Variants in AKAP10 observed in about 807,000 individuals in gnomAD.
AKAP10 encodes the protein A-kinase anchoring protein 10.
Under a neutral mutation model 80.8 loss-of-function variants are expected in AKAP10, and 24 were observed. The observed-to-expected ratio is 0.30, with a 90% CI of 0.22 to 0.42. The LOEUF (loss-of-function observed/expected upper bound fraction) is 0.42. AKAP10 is among the 10% of genes least tolerant of loss of function. The pLI is 1.00. For missense variants in AKAP10, 661 were observed against 794.9 expected, an observed-to-expected ratio of 0.83 and a Z score of 2.03; for synonymous variants, 291 against 277.7, an observed-to-expected ratio of 1.05 and a Z score of -0.48.
chr17:19,927,825 G>A (rs752039716), intron 10 of AKAP10, among the ~76,000 whole-genome samples: 8 of 151,014 alleles, frequency 5.3e-5, no homozygotes, highest in Admixed American at 6.6e-5. Context: ...CAGGAAAATC[G>A]CTTGAACCCA....
At chr17:19,965,358 A>G (rs1197415731) in intron 2 of AKAP10, among the ~76,000 whole-genome samples, 1 of 152,190 alleles carries the variant, frequency 6.6e-6, no homozygotes, top group Non-Finnish European at 1.5e-5. Flanking sequence ...TATTATAACA[A>G]AAAAACTTCC....
intron 1 of AKAP10, among the ~76,000 whole-genome samples, chr17:19,975,682 C>A (rs1400747493): frequency 2.0e-5 from 3 of 152,282 alleles, no homozygotes; most frequent in East Asian, 3.9e-4. Context: ...TATCTGTCTA[C>A]CCCAGTAGAC....
Position 19,947,447 on chromosome 17 carries a change from T to C in AKAP10, c.936A>G (p.Lys312=), listed in dbSNP as rs1379692164. Residue 312 remains lysine (K), a synonymous_variant, in exon 5 of 15, where the codon AAA becomes AAG. Transcript: ENST00000225737. ...FTKYISPDAA[K]PIPITEAMRN... is the part of the protein sequence containing the mutation. The stretch of plus-strand genomic sequence containing the variant: ...TCATTGCTTCTGTAATTGGTATTGG[T>C]TTAGCAGCATCTGGAGATATATATT... The C allele has an allele frequency of 3.1e-6, 5 of 1,612,496 alleles. No individual in the cohort carries two copies. The highest frequency in any genetic ancestry group is 3.4e-6 in the Non-Finnish European group (4 of 1,178,592).
At chr17:19,927,854 G>C (rs995057607) in intron 10 of AKAP10, among the ~76,000 whole-genome samples, 6 of 151,776 alleles carry the variant, frequency 4.0e-5, no homozygotes, top group Non-Finnish European at 5.9e-5. Flanking sequence ...AGGTTGCAGT[G>C]AGCCAAGATT....
chr17:19,963,617 A>G (rs988085575), intron 2 of AKAP10, among the ~76,000 whole-genome samples: 4 of 152,162 alleles, frequency 2.6e-5, no homozygotes, highest in African/African-American at 9.7e-5. Flanking sequence ...TCCTCAGGCC[A>G]GGCATGGTGG....
At chr17:19,926,443 A>T (rs1214207546) in intron 10 of AKAP10, among the ~76,000 whole-genome samples, 2 of 152,122 alleles carry the variant, frequency 1.3e-5, no homozygotes, top group African/African-American at 4.8e-5. Context: ...TGCCACTTCT[A>T]CTCATCATTG....
chr17:19,929,656 C>A (rs1032540098), intron 10 of AKAP10: 1 of 151,964 alleles, frequency 6.6e-6, no homozygotes, highest in Non-Finnish European at 1.5e-5. Context: ...ATGGTTAGTA[C>A]CTAGGCCTTT....
rs151244827 is a variant in AKAP10 at position 19,952,548 on chromosome 17, T to C, written c.878-5043A>G. ...CTGCCTACAAGAAGCCCCCTTTAAA[T>C]AGAATTATAAAGGTAGATCAAAAGT... On this transcript the variant is annotated intron_variant, in intron 4 of 14. Coordinates refer to ENST00000225737, the MANE Select transcript of AKAP10 (RefSeq NM_007202.4). Among the ~76,000 whole-genome samples the C allele has an allele frequency of 2.7e-3, 407 of 152,018 alleles. 1 individual carries two copies. The highest frequency in any genetic ancestry group is 9.2e-3 in the African/African-American group (382 of 41,510).
rs149275156 is a variant in AKAP10, at chr17:19,911,919, G to T, written c.1835-1941C>A. 9.9e-4 allele frequency among the ~76,000 whole-genome samples: 136 copies of T among 137,544 alleles called. 1 individual carries two copies. The Middle Eastern group carries it at 0.021, about 21-fold the overall frequency. The allele number at this position is 137,544 out of a possible 152,430, so 90.2% of individuals were successfully genotyped here. A position where few individuals can be genotyped will look rare whatever the true frequency, so the allele number is the denominator to read the frequency against. ...GGAGTCAGTCTAAGCTCCTTAAAATGACATGTAAGGGATTTATCAATTTAA... is the reference window on the plus strand; with the variant it reads ...GGAGTCAGTCTAAGCTCCTTAAAATTACATGTAAGGGATTTATCAATTTAA... On this transcript the variant is annotated intron_variant, in intron 12 of 14. Coordinates refer to ENST00000225737, the MANE Select transcript of AKAP10 (RefSeq NM_007202.4).
At chr17:19,926,581 T>C (rs781293345) in intron 10 of AKAP10, among the ~76,000 whole-genome samples, 21 of 152,202 alleles carry the variant, frequency 1.4e-4, no homozygotes, top group Admixed American at 7.9e-4. Flanking sequence ...AAAGTTGAAG[T>C]TGCAAGATCA....
At chr17:19,964,879 A>G (rs2043397687) in intron 2 of AKAP10, among the ~76,000 whole-genome samples, 1 of 152,224 alleles carries the variant, frequency 6.6e-6, no homozygotes, top group Non-Finnish European at 1.5e-5. Flanking sequence ...TGGGCAACAG[A>G]GCGAGAATCT....
chr17:19,946,265 A>C (rs1238456606), intron 5 of AKAP10, among the ~76,000 whole-genome samples: 1 of 27,458 alleles, frequency 3.6e-5, no homozygotes, highest in African/African-American at 1.6e-4. Flanking sequence ...ATATATATAT[A>C]TATATATATA....
chr17:19,958,142 A>C lies in AKAP10; in HGVS notation c.749T>G (p.Leu250Arg). 6.2e-7 allele frequency: 1 copy of C among 1,614,142 alleles called. No homozygotes were observed. Among genetic ancestry groups the C allele is most frequent in the Non-Finnish European group, 8.5e-7 (1 of 1,180,030 alleles). The change falls in exon 4 of 15, where the codon CTT becomes CGT. Residue 250 changes from leucine to arginine, a missense_variant. Physicochemically the swap from Leu to Arg is moderately radical, Grantham distance 102. Transcript: ENST00000225737. ...GTGAGTTCCTGCTCTGGCCATTTCA[A>C]GACGGAGAGAATGGGCACTGTCACA... ...QECDSAHSLRLEMARAGTHQV... is the reference protein window; with the variant it reads ...QECDSAHSLRREMARAGTHQV...
rs182873259 is a variant in AKAP10, at chr17:19,928,002, C to T, written c.1642-3485G>A. On this transcript the variant is annotated intron_variant, in intron 10 of 14. Coordinates refer to ENST00000225737, the MANE Select transcript of AKAP10 (RefSeq NM_007202.4). The stretch of plus-strand genomic sequence containing the variant: ...TGGGAAGCCTAGGCAGGCAGATCAC[C>T]TGAGGTCAGGAGTTTGTGACCAGCC... 2.6e-4 allele frequency among the ~76,000 whole-genome samples: 40 copies of T among 152,076 alleles called. 1 individual carries two copies. In the East Asian group the frequency reaches 7.7e-3, roughly 29 times the overall value.
chr17:19,971,162 T>C (rs1174619257), intron 1 of AKAP10, among the ~76,000 whole-genome samples: 2 of 151,988 alleles, frequency 1.3e-5, no homozygotes, highest in East Asian at 3.9e-4. Context: ...AACGTGTATA[T>C]ATATACATGT....
At chr17:19,948,443 T>C (rs1280847755) in intron 4 of AKAP10, among the ~76,000 whole-genome samples, 1 of 152,088 alleles carries the variant, frequency 6.6e-6, no homozygotes, top group Non-Finnish European at 1.5e-5. Context: ...TTGTTTTGTT[T>C]TGTTCCTTTC....
intron 12 of AKAP10, among the ~76,000 whole-genome samples, chr17:19,917,488 G>C (rs1401028263): frequency 6.6e-6 from 1 of 152,066 alleles, no homozygotes. Context: ...TTGTTTTTTA[G>C]AGACATGGTC....
In AKAP10 at chr17:19,904,491, T is replaced by G. The variant is rs2042613229; in HGVS notation, c.*1736A>C. 1 of 152,206 alleles carries G rather than the reference T, an allele frequency of 6.6e-6. No individual in the cohort carries two copies. The highest frequency in any genetic ancestry group is 2.1e-4 in the South Asian group (1 of 4,832). The allele number at this position is 152,206 out of a possible 1,614,324, so 9.4% of individuals were successfully genotyped here. ...CAGCAAGAGTTGCCCAAAACCACATTTTATTCTATAACCTTTATATTGCTT... is the reference window on the plus strand; with the variant it reads ...CAGCAAGAGTTGCCCAAAACCACATGTTATTCTATAACCTTTATATTGCTT... On this transcript the variant is annotated 3_prime_UTR_variant, in exon 15 of 15. Coordinates refer to ENST00000225737, the MANE Select transcript of AKAP10 (RefSeq NM_007202.4).
At chr17:19,913,149 A>G (rs1485673216) in intron 12 of AKAP10, among the ~76,000 whole-genome samples, 6 of 132,270 alleles carry the variant, frequency 4.5e-5, no homozygotes, top group East Asian at 4.3e-4. Flanking sequence ...ACGCCTGGCT[A>G]ATTGTTTTTT....
Sources: allele counts gnomAD v4.1 joint callset (sites outside exome capture counted in the v4.1 genomes callset), GRCh38; gene constraint gnomAD v4.1.1; transcripts MANE v1.5; gene names NCBI Gene and HGNC (gene_info 2026-07-23, HGNC 2026-07-21).